KCNMB2: variants seen among roughly 807,000 people sequenced by gnomAD.
KCNMB2 encodes the protein potassium calcium-activated channel subfamily M regulatory beta subunit 2.
KCNMB2 carries 9 observed loss-of-function variants against 24.5 expected under a neutral mutation model. The ratio of observed to expected loss-of-function variants is 0.37; its 90% CI spans 0.22 to 0.64. The LOEUF is 0.64. KCNMB2 is among the 30% of genes least tolerant of loss of function. KCNMB2 has a pLI of 0.63. For synonymous variants in KCNMB2, 109 were observed against 104.4 expected (o/e 1.04, Z -0.27); for missense variants, 226 against 284.3 (o/e 0.79, Z 1.47).
At chr3:178,813,865 T>C (rs1223927007) in intron 2 of KCNMB2, among the ~76,000 whole-genome samples, 1 of 152,194 alleles carries the variant, frequency 6.6e-6, no homozygotes, top group African/African-American at 2.4e-5. Context: ...TGTGCATGAA[T>C]TGACCAATAT....
intron 1 of KCNMB2, among the ~76,000 whole-genome samples, chr3:178,733,798 A>G (rs768970143): frequency 2.6e-5 from 4 of 152,184 alleles, no homozygotes; most frequent in Non-Finnish European, 5.9e-5. Context: ...TTAAGTGATC[A>G]TCTGGTTTCT....
At chr3:178,651,704 T>A (rs1025813814) in intron 1 of KCNMB2, among the ~76,000 whole-genome samples, 21 of 152,176 alleles carry the variant, frequency 1.4e-4, no homozygotes, top group Admixed American at 1.2e-3. Flanking sequence ...AACAGCATGG[T>A]ACTGGTACCA....
At chr3:178,651,307 C>T (rs1720111381) in intron 1 of KCNMB2, among the ~76,000 whole-genome samples, 1 of 152,132 alleles carries the variant, frequency 6.6e-6, no homozygotes, top group African/African-American at 2.4e-5. Context: ...CATGAGTGAA[C>T]TCCCATTCAC....
At chr3:178,576,417 G>A (rs991319508) in intron 1 of KCNMB2, among the ~76,000 whole-genome samples, 10 of 152,260 alleles carry the variant, frequency 6.6e-5, no homozygotes, top group African/African-American at 2.2e-4. Flanking sequence ...CTGGGCAGAC[G>A]TTTGGGCAGA....
chr3:178,731,401 ATAGT>A (rs1196374382), intron 1 of KCNMB2, among the ~76,000 whole-genome samples: 1 of 152,200 alleles, frequency 6.6e-6, no homozygotes, highest in Non-Finnish European at 1.5e-5. Flanking sequence ...GTATTATACG[ATAGT>A]TAGCAGCATA....
intron 1 of KCNMB2, among the ~76,000 whole-genome samples, chr3:178,637,104 T>C (rs553716832): frequency 2.6e-5 from 4 of 152,290 alleles, no homozygotes; most frequent in South Asian, 4.1e-4. Flanking sequence ...CAATCTATCA[T>C]TGATGGGCAT....
intron 1 of KCNMB2, among the ~76,000 whole-genome samples, chr3:178,600,646 T>C (rs1421537302): frequency 1.3e-5 from 2 of 152,160 alleles, no homozygotes; most frequent in Non-Finnish European, 1.5e-5. Flanking sequence ...GGATGGGGAC[T>C]TCAGGACAGA....
At chr3:178,685,664 T>C (rs1233680908) in intron 1 of KCNMB2, among the ~76,000 whole-genome samples, 3 of 152,250 alleles carry the variant, frequency 2.0e-5, no homozygotes, top group African/African-American at 7.2e-5. Flanking sequence ...AGCTTTTTGT[T>C]AGGAAATTAT....
chr3:178,771,263 G>A (rs1457344755), intron 1 of KCNMB2, among the ~76,000 whole-genome samples: 1 of 151,736 alleles, frequency 6.6e-6, no homozygotes, highest in African/African-American at 2.4e-5. Context: ...TGTCAAAATG[G>A]GTCTCTCTGT....
At chr3:178,766,382 T>C (rs563335110) in intron 1 of KCNMB2, among the ~76,000 whole-genome samples, 1 of 152,182 alleles carries the variant, frequency 6.6e-6, no homozygotes, top group South Asian at 2.1e-4. Flanking sequence ...TTTATGGCAA[T>C]GGGGTCTCAC....
chr3:178,772,652 C>A (rs1712421342), intron 1 of KCNMB2, among the ~76,000 whole-genome samples: 2 of 152,206 alleles, frequency 1.3e-5, no homozygotes, highest in African/African-American at 4.8e-5. Context: ...TGGACTAATA[C>A]AGTAACTTTA....
intron 1 of KCNMB2, among the ~76,000 whole-genome samples, chr3:178,644,570 C>T (rs1719846332): frequency 1.3e-5 from 2 of 152,200 alleles, no homozygotes; most frequent in African/African-American, 4.8e-5. Flanking sequence ...TTGAGGAAGG[C>T]TAAGATGGGG....
At chr3:178,820,915 T>C (rs11916314) in intron 2 of KCNMB2, among the ~76,000 whole-genome samples, 39,636 of 152,158 alleles carry the variant, frequency 0.26, 6,942 homozygotes, top group African/African-American at 0.5. Context: ...ATTGTCAACA[T>C]GTGGTTCACC....
intron 1 of KCNMB2, among the ~76,000 whole-genome samples, chr3:178,542,644 AT>A (rs1198514891): frequency 1.3e-5 from 2 of 152,150 alleles, no homozygotes; most frequent in African/African-American, 4.8e-5. Context: ...GGTTAGGAGA[AT>A]TTTTTTAAAG....
At chr3:178,758,082 A>C (rs1239839992) in intron 1 of KCNMB2, among the ~76,000 whole-genome samples, 3 of 89,126 alleles carry the variant, frequency 3.4e-5, no homozygotes, top group Non-Finnish European at 6.5e-5. Context: ...ATATATATAT[A>C]CACAAGAGGA....
At chr3:178,789,897 G>C (rs928296360) in intron 1 of KCNMB2, among the ~76,000 whole-genome samples, 8 of 151,920 alleles carry the variant, frequency 5.3e-5, no homozygotes, top group Admixed American at 1.3e-4. Flanking sequence ...GACTTGGTGG[G>C]TGCACAACCC....
At chr3:178,664,864 A>G (rs2108574918) in intron 1 of KCNMB2, among the ~76,000 whole-genome samples, 1 of 152,280 alleles carries the variant, frequency 6.6e-6, no homozygotes, top group South Asian at 2.1e-4. Context: ...AAAGAGATAT[A>G]TTGTGAAGAT....
At chr3:178,676,534 C>A (rs1221294236) in intron 1 of KCNMB2, among the ~76,000 whole-genome samples, 1 of 152,192 alleles carries the variant, frequency 6.6e-6, no homozygotes, top group African/African-American at 2.4e-5. Context: ...AGTGGCTCTA[C>A]AAGGGAGCAT....
At chr3:178,638,163 G>A (rs1330405968) in intron 1 of KCNMB2, among the ~76,000 whole-genome samples, 1 of 152,066 alleles carries the variant, frequency 6.6e-6, no homozygotes, top group Admixed American at 6.6e-5. Flanking sequence ...GCCCATTCTG[G>A]AAATAGCTAC....
Sources: gnomAD v4.1 joint callset for allele counts (sites outside exome capture counted in the v4.1 genomes callset) on GRCh38, gnomAD v4.1.1 for gene constraint, MANE v1.5 for transcripts, NCBI Gene and HGNC (gene_info 2026-07-23, HGNC 2026-07-21) for gene names.